The following CTNND2 variants were observed in gnomAD, a reference collection of about 807,000 sequenced individuals.
CTNND2 encodes the protein catenin delta-2.
CTNND2 carries 22 observed loss-of-function variants against 144.4 expected under a neutral mutation model. The ratio of observed to expected loss-of-function variants is 0.15; its 90% CI spans 0.11 to 0.22. The LOEUF is 0.22. Ranked by LOEUF, CTNND2 falls within the 10% of genes least tolerant of loss-of-function variation. CTNND2 has a pLI of 1.00. For synonymous variants in CTNND2, 751 were observed against 695.6 expected (o/e 1.08, Z -1.25); for missense variants, 1,353 against 1,618.8 (o/e 0.84, Z 2.82).
chr5:11,016,603 GCTTTCC>G (rs1741626152), intron 18 of CTNND2, among the ~76,000 whole-genome samples: 1 of 152,172 alleles, frequency 6.6e-6, no homozygotes, highest in Non-Finnish European at 1.5e-5. Flanking sequence ...AATGATCTTG[GCTTTCC>G]CACTCCCTGC....
At chr5:11,505,103 G>A (rs947822287) in intron 3 of CTNND2, among the ~76,000 whole-genome samples, 3 of 151,742 alleles carry the variant, frequency 2.0e-5, no homozygotes, top group African/African-American at 7.3e-5. Flanking sequence ...AAGAGTTGGT[G>A]CTTTTATAAA....
intron 9 of CTNND2, among the ~76,000 whole-genome samples, chr5:11,326,493 A>T (rs1752537446): frequency 1.3e-5 from 2 of 152,150 alleles, no homozygotes; most frequent in South Asian, 4.1e-4. Flanking sequence ...GGGACACACC[A>T]TCTCAGCCTG....
intron 1 of CTNND2, among the ~76,000 whole-genome samples, chr5:11,874,130 T>A (rs540905221): frequency 2.6e-5 from 4 of 152,312 alleles, no homozygotes; most frequent in Non-Finnish European, 4.4e-5. Flanking sequence ...TGAAGTCCCA[T>A]CCTAGTTTTA....
At chr5:11,512,899 C>A (rs1371956957) in intron 3 of CTNND2, among the ~76,000 whole-genome samples, 1 of 152,218 alleles carries the variant, frequency 6.6e-6, no homozygotes, top group Non-Finnish European at 1.5e-5. Flanking sequence ...TACACATCCA[C>A]TCAAGTATAC....
chr5:11,602,928 T>C (rs1056518344), intron 2 of CTNND2, among the ~76,000 whole-genome samples: 12 of 148,212 alleles, frequency 8.1e-5, no homozygotes, highest in African/African-American at 2.6e-4. Flanking sequence ...GTGCCTAAAA[T>C]TGATGAGGGA....
At chr5:11,633,098 T>C (rs1432666361) in intron 2 of CTNND2, among the ~76,000 whole-genome samples, 1 of 152,192 alleles carries the variant, frequency 6.6e-6, no homozygotes, top group East Asian at 1.9e-4. Context: ...ATAATAGTTG[T>C]AAACTTCCCA....
At chr5:11,394,971 AGCCATCGTTT>A (rs1318027643) in intron 6 of CTNND2, among the ~76,000 whole-genome samples, 2 of 152,216 alleles carry the variant, frequency 1.3e-5, no homozygotes, top group African/African-American at 2.4e-5. Flanking sequence ...GACATCTGTT[AGCCATCGTTT>A]GAATTATATT....
At chr5:11,226,038 G>C (rs990691451) in intron 10 of CTNND2, among the ~76,000 whole-genome samples, 1 of 152,214 alleles carries the variant, frequency 6.6e-6, no homozygotes, top group Non-Finnish European at 1.5e-5. Context: ...AAGCCAGGCA[G>C]AGGCAAGGAA....
chr5:11,709,985 T>C (rs1785931382), intron 2 of CTNND2, among the ~76,000 whole-genome samples: 1 of 152,162 alleles, frequency 6.6e-6, no homozygotes, highest in South Asian at 2.1e-4. Context: ...ATGAATGGCA[T>C]GTATTCTGTG....
intron 2 of CTNND2, among the ~76,000 whole-genome samples, chr5:11,697,592 C>T (rs542616072): frequency 5.2e-4 from 79 of 152,274 alleles, no homozygotes; most frequent in African/African-American, 1.4e-3. Flanking sequence ...TCAAGAACCC[C>T]GCCTTATGAG....
chr5:11,467,247 G>A (rs998951873), intron 3 of CTNND2, among the ~76,000 whole-genome samples: 33 of 152,220 alleles, frequency 2.2e-4, no homozygotes, highest in Admixed American at 1.7e-3. Flanking sequence ...TGGCCTGCCC[G>A]ACCCCAGGCG....
intron 8 of CTNND2, among the ~76,000 whole-genome samples, chr5:11,354,373 G>A (rs1755646305): frequency 1.3e-5 from 2 of 152,160 alleles, no homozygotes; most frequent in Non-Finnish European, 2.9e-5. Context: ...AAACTCCAAG[G>A]AAGCTTAAGT....
At chr5:11,368,524 C>A (rs1157935526) in intron 7 of CTNND2, among the ~76,000 whole-genome samples, 1 of 152,162 alleles carries the variant, frequency 6.6e-6, no homozygotes, top group Non-Finnish European at 1.5e-5. Context: ...CCTCAGACAT[C>A]CCCTGCTTCT....
At chr5:11,110,162 A>G (rs890395201) in intron 14 of CTNND2, among the ~76,000 whole-genome samples, 3 of 152,166 alleles carry the variant, frequency 2.0e-5, no homozygotes, top group Admixed American at 6.5e-5. Flanking sequence ...AGACAGGAGC[A>G]GAGACTGTTC....
intron 9 of CTNND2, 121 bp downstream of exon 9, chr5:11,346,251 C>G: frequency 9.8e-7 from 1 of 1,020,794 alleles, no homozygotes; most frequent in Non-Finnish European, 1.3e-6. Context: ...AAAGAAAACC[C>G]AAGAAAAGCC....
In CTNND2 at chr5:11,903,077, A is replaced by C. The variant is rs1454325920; in HGVS notation, c.37+740T>G. ...ACCAGAATAAGATGAGGGTCGGGAA[A>C]AAAAGAAAAAAGCAGCTTCGCTTTC... On this transcript the variant is annotated intron_variant, in intron 1 of 21. Transcript: ENST00000304623. The surrounding 1 kb of genome is among the most constrained non-coding windows in gnomAD (Gnocchi z 5.4). The C allele has an allele frequency of 1.8e-6, 1 of 559,220 alleles. No homozygotes were observed. The highest frequency in any genetic ancestry group is 2.3e-6 in the Non-Finnish European group (1 of 440,592). 34.6% of individuals were successfully genotyped at this position (559,220 alleles called of 1,614,324 possible). A position where few individuals can be genotyped will look rare whatever the true frequency, so the allele number is the denominator to read the frequency against.
Position 11,494,815 on chromosome 5 carries a change from A to G in CTNND2, c.287+70129T>C, listed in dbSNP as rs116206211. ...CAGCCATATTAATGCTATGCCTCTGATACCAATTGAGTCAATAAAAAAGTA... is the reference window on the plus strand; with the variant it reads ...CAGCCATATTAATGCTATGCCTCTGGTACCAATTGAGTCAATAAAAAAGTA... On this transcript the variant is annotated intron_variant, in intron 3 of 21. Coordinates refer to ENST00000304623, the MANE Select transcript of CTNND2 (RefSeq NM_001332.4). Among the ~76,000 whole-genome samples, 308 of 152,312 alleles carry G rather than the reference A, an allele frequency of 2.0e-3. 2 individuals are homozygous for G. Among genetic ancestry groups the G allele is most frequent in the African/African-American group, 6.8e-3 (283 of 41,582 alleles).
chr5:11,080,634 T>G (rs1305148350), intron 16 of CTNND2, among the ~76,000 whole-genome samples: 1 of 152,176 alleles, frequency 6.6e-6, no homozygotes, highest in Non-Finnish European at 1.5e-5. Flanking sequence ...AAAGGAATAC[T>G]ACTCAGCCAC....
chr5:11,661,928 A>G (rs1171740044), intron 2 of CTNND2, among the ~76,000 whole-genome samples: 2 of 151,722 alleles, frequency 1.3e-5, no homozygotes, highest in Non-Finnish European at 2.9e-5. Flanking sequence ...CAGCAGCGGC[A>G]TTAGATTCTG....
Sources: gnomAD v4.1 joint callset for allele counts (sites outside exome capture counted in the v4.1 genomes callset) on GRCh38, gnomAD v4.1.1 for gene constraint, Gnocchi (gnomAD v3.1) non-coding constraint, MANE v1.5 for transcripts, NCBI Gene and HGNC (gene_info 2026-07-23, HGNC 2026-07-21) for gene names.